SH2D4A: variants seen among roughly 807,000 people sequenced by gnomAD.
SH2D4A encodes the protein SH2 domain containing 4A, also known as SH2 domain-containing protein 4A.
A neutral mutation model predicts 64.7 loss-of-function variants in SH2D4A; 70 were observed. That is an observed-to-expected ratio of 1.08 (90% CI 0.89 to 1.32). The LOEUF (loss-of-function observed/expected upper bound fraction) is 1.32, where lower values mean the gene tolerates loss of function less well. SH2D4A is among the 40% of genes most tolerant of loss of function. The pLI, the probability that SH2D4A is intolerant of heterozygous loss-of-function variation, is 0.00. For synonymous variants in SH2D4A, 268 were observed against 200.7 expected (o/e 1.34, Z -2.83); for missense variants, 706 against 540.1 (o/e 1.31, Z -3.04).
chr8:19,319,607 C>A lies in SH2D4A; in HGVS notation c.60C>A (p.Ser20Arg), dbSNP rs199676515. ...YIDPDLLAELSEEQKQILFFK... is the reference protein window; with the variant it reads ...YIDPDLLAELREEQKQILFFK... ...ATCCTGATCTACTGGCAGAGCTCAG[C>A]GAAGAACAGAAACAGATCCTGTTCT... The change falls in exon 2 of 10, where the codon AGC becomes AGA. Residue 20 changes from serine to arginine, a missense_variant. By Grantham distance (110) the Ser-to-Arg change is moderately radical. Transcript: ENST00000265807. 1 of 1,606,470 alleles carries A rather than the reference C, an allele frequency of 6.2e-7. No homozygotes were observed. Among genetic ancestry groups the A allele is most frequent in the African/African-American group, 1.3e-5 (1 of 74,512 alleles).
intron 7 of SH2D4A, among the ~76,000 whole-genome samples, chr8:19,369,141 C>G (rs150040912): frequency 1.3e-5 from 2 of 151,972 alleles, no homozygotes; most frequent in Non-Finnish European, 2.9e-5. Context: ...TTCATTGATT[C>G]GTTTATGTTG....
At chr8:19,351,229 A>G (rs545043422) in intron 4 of SH2D4A, among the ~76,000 whole-genome samples, 3 of 152,134 alleles carry the variant, frequency 2.0e-5, no homozygotes, top group Non-Finnish European at 4.4e-5. Flanking sequence ...GATTATTTCA[A>G]TGACCTGGTT....
intron 2 of SH2D4A, among the ~76,000 whole-genome samples, chr8:19,324,895 C>G (rs183050439): frequency 2.6e-4 from 40 of 152,272 alleles, no homozygotes; most frequent in African/African-American, 9.4e-4. Flanking sequence ...TTCTGATTAT[C>G]TCCCTAGGGC....
At chr8:19,375,813 C>T (rs1379416517) in intron 8 of SH2D4A, among the ~76,000 whole-genome samples, 1 of 151,964 alleles carries the variant, frequency 6.6e-6, no homozygotes, top group East Asian at 1.9e-4. Flanking sequence ...TTAATTATTC[C>T]ACATTGGGTT....
intron 2 of SH2D4A, among the ~76,000 whole-genome samples, chr8:19,322,732 G>C (rs2052213329): frequency 6.7e-6 from 1 of 148,928 alleles, no homozygotes; most frequent in African/African-American, 2.6e-5. Context: ...GCAGTGGTGT[G>C]ACATTTCAAC....
chr8:19,326,141 TTC>T (rs2052275587), intron 2 of SH2D4A, among the ~76,000 whole-genome samples: 1 of 152,230 alleles, frequency 6.6e-6, no homozygotes, highest in Non-Finnish European at 1.5e-5. Context: ...TTGAATTCTG[TTC>T]TCAGTGTTTA....
chr8:19,318,915 A>G (rs541093227), intron 1 of SH2D4A, among the ~76,000 whole-genome samples: 1 of 151,012 alleles, frequency 6.6e-6, no homozygotes, highest in Admixed American at 6.6e-5. Flanking sequence ...ACTCTGTGAC[A>G]TATCAAAAGT....
chr8:19,319,350 T>C lies in SH2D4A; in HGVS notation c.-198T>C. 8.1e-6 allele frequency: 10 copies of C among 1,230,342 alleles called. No homozygotes were observed. Among genetic ancestry groups the C allele is most frequent in the Non-Finnish European group, 1.0e-5 (10 of 985,414 alleles). 76.2% of individuals were successfully genotyped at this position (1,230,342 alleles called of 1,614,324 possible). On this transcript the variant is annotated 5_prime_UTR_variant, in exon 2 of 10. Transcript: ENST00000265807. ...GGGCTCTTTCTCTCTGCAGGTTCAG[T>C]GAACAGCATTTTGGACAGGACATTT...
chr8:19,337,194 G>A (rs958944307), intron 4 of SH2D4A, among the ~76,000 whole-genome samples: 2 of 152,064 alleles, frequency 1.3e-5, no homozygotes, highest in Admixed American at 6.6e-5. Context: ...GCTGTCAGGG[G>A]CTCCTGTGGT....
chr8:19,329,567 G>T (rs2052339040), intron 2 of SH2D4A, among the ~76,000 whole-genome samples: 1 of 152,144 alleles, frequency 6.6e-6, no homozygotes, highest in African/African-American at 2.4e-5. Flanking sequence ...TTACTTGTGT[G>T]ATATGGTTTG....
At chr8:19,360,473 G>A (rs1394743264) in intron 5 of SH2D4A, among the ~76,000 whole-genome samples, 3 of 152,048 alleles carry the variant, frequency 2.0e-5, no homozygotes, top group Admixed American at 1.3e-4. Context: ...AATTACCCAA[G>A]TGTGATGGCA....
At chr8:19,332,128 C>T (rs745724184) in intron 2 of SH2D4A, among the ~76,000 whole-genome samples, 2 of 151,978 alleles carry the variant, frequency 1.3e-5, no homozygotes, top group Non-Finnish European at 2.9e-5. Context: ...AAATAAAATA[C>T]AATATAAATA....
intron 7 of SH2D4A, among the ~76,000 whole-genome samples, chr8:19,365,812 C>T (rs1471840034): frequency 6.6e-6 from 1 of 151,790 alleles, no homozygotes; most frequent in African/African-American, 2.4e-5. Context: ...GACAGACCGG[C>T]TCCTACAGTG....
chr8:19,363,903 C>T lies in SH2D4A; in HGVS notation c.707-169C>T, dbSNP rs916361963. The T allele has an allele frequency of 4.7e-6, 3 of 644,828 alleles. No homozygotes were observed. The East Asian group carries it at 8.2e-5, about 18-fold the overall frequency. 39.9% of individuals were successfully genotyped at this position (644,828 alleles called of 1,614,324 possible). On this transcript the variant is annotated intron_variant, in intron 6 of 9. Transcript: ENST00000265807. ...GAGGAATCCTGCAGCGAACGCTGGG[C>T]AAGCCCTAATGGCCTGGATCATAGG...
At chr8:19,335,348 C>G (rs758733674) in intron 4 of SH2D4A, among the ~76,000 whole-genome samples, 21 of 152,040 alleles carry the variant, frequency 1.4e-4, no homozygotes, top group Non-Finnish European at 2.4e-4. Flanking sequence ...ACCTTCCATG[C>G]TACATCATGG....
intron 7 of SH2D4A, among the ~76,000 whole-genome samples, chr8:19,373,327 C>T (rs191165241): frequency 4.8e-5 from 7 of 144,782 alleles, no homozygotes; most frequent in Admixed American, 1.4e-4. Flanking sequence ...TCTCTCCCCC[C>T]ACCCCCACAC....
At position 19,364,299 on chromosome 8, in the gene SH2D4A, A is replaced by C. The variant is rs753479393; in HGVS notation, c.917+17A>C. 1.1e-5 allele frequency: 18 copies of C among 1,613,066 alleles called. No individual in the cohort carries two copies. The highest frequency in any genetic ancestry group is 1.7e-5 in the Admixed American group (1 of 59,974). Reference sequence around the variant, plus strand: ...ACCTCTTAGGTAAGAAGCCACACAGATGGGTTTATGCATAAACATTGCAAT... The same window carrying C: ...ACCTCTTAGGTAAGAAGCCACACAGCTGGGTTTATGCATAAACATTGCAAT... On this transcript the variant is annotated intron_variant, in intron 7 of 9. Coordinates refer to ENST00000265807, the MANE Select transcript of SH2D4A (RefSeq NM_022071.4).
chr8:19,328,226 C>A (rs1382601792), intron 2 of SH2D4A, among the ~76,000 whole-genome samples: 3 of 152,214 alleles, frequency 2.0e-5, no homozygotes. Flanking sequence ...CCTATAGAGT[C>A]ATTCCCAAGT....
At chr8:19,365,485 C>G (rs6999974) in intron 7 of SH2D4A, among the ~76,000 whole-genome samples, 125,794 of 152,182 alleles carry the variant, frequency 0.83, 52,421 homozygotes, top group Middle Eastern at 0.92. Context: ...GCTTGTCTGT[C>G]CGCACGTTGG....
Sources: gnomAD v4.1 joint callset for allele counts (sites outside exome capture counted in the v4.1 genomes callset) on GRCh38, gnomAD v4.1.1 for gene constraint, MANE v1.5 for transcripts, NCBI Gene and HGNC (gene_info 2026-07-23, HGNC 2026-07-21) for gene names.